ATRNL1: variants seen among roughly 807,000 people sequenced by gnomAD.
ATRNL1 encodes attractin-like protein 1.
Under a neutral mutation model 182.7 loss-of-function variants are expected in ATRNL1, and 95 were observed. The ratio of observed to expected loss-of-function variants is 0.52; its 90% confidence interval spans 0.44 to 0.62. ATRNL1 has a LOEUF of 0.62. Among genes scored for constraint, ATRNL1 ranks in the 20% least tolerant of loss-of-function variants. The pLI, the probability that ATRNL1 is intolerant of heterozygous loss-of-function variation, is 0.00. For missense variants in ATRNL1, 1,471 were observed against 1,679.5 expected (o/e 0.88, Z 2.17); for synonymous variants, 576 against 568.3 (o/e 1.01, Z -0.19).
Position 115,171,086 on chromosome 10 carries a change from TCA to T in ATRNL1, c.1145_1146del (p.Thr382ArgfsTer2). ...AGAATTGAAACAAATGATGGCAATG[TCA>T]CAGATGAATTATGGGTTTTTAACAT... On this transcript the variant is annotated frameshift_variant, in exon 8 of 29. Transcript: ENST00000355044. LOFTEE classifies it high-confidence loss of function. The T allele has an allele frequency of 1.3e-6, 2 of 1,590,622 alleles. No individual in the cohort carries two copies. Among genetic ancestry groups the T allele is most frequent in the Non-Finnish European group, 1.7e-6 (2 of 1,166,478 alleles).
intron 27 of ATRNL1, among the ~76,000 whole-genome samples, chr10:115,777,649 C>T (rs2134181457): frequency 6.6e-6 from 1 of 152,204 alleles, no homozygotes; most frequent in Non-Finnish European, 1.5e-5. Context: ...ACTGAATATA[C>T]TGTTTTCAAA....
At position 115,759,299 on chromosome 10, in the gene ATRNL1, T is replaced by C. The variant is rs554254296; in HGVS notation, c.3903+31944T>C. Among the ~76,000 whole-genome samples the C allele has an allele frequency of 6.6e-5, 10 of 152,274 alleles. No homozygotes were observed. The East Asian group carries it at 1.9e-3, about 29-fold the overall frequency. On this transcript the variant is annotated intron_variant, in intron 27 of 28. Coordinates refer to ENST00000355044, the MANE Select transcript of ATRNL1 (RefSeq NM_207303.4). ...TGCACTAGTGAATACATATTTGGGT[T>C]GTTCTATGAGAAAACATAAGCACTA...
rs147357840 is a variant in ATRNL1, at chr10:115,551,686, C to A, written c.3795+2150C>A. 6.6e-4 allele frequency among the ~76,000 whole-genome samples: 100 copies of A among 151,444 alleles called. 1 individual carries two copies. The highest frequency in any genetic ancestry group is 2.4e-3 in the African/African-American group (99 of 41,472). ...TTCTGAAATTTAATTTTACTAAATT[C>A]CTTTAAATGTAAAATTCTAAATGTT... On this transcript the variant is annotated intron_variant, in intron 26 of 28. Transcript: ENST00000355044.
At chr10:115,829,510 C>CAA (rs5788115) in intron 27 of ATRNL1, among the ~76,000 whole-genome samples, 3 of 138,538 alleles carry the variant, frequency 2.2e-5, no homozygotes, top group South Asian at 2.3e-4. Context: ...TTTTCTTTTT[C>CAA]AAAAAAAAAA....
intron 26 of ATRNL1, among the ~76,000 whole-genome samples, chr10:115,583,919 C>G (rs1447951517): frequency 1.3e-5 from 2 of 151,482 alleles, no homozygotes; most frequent in African/African-American, 2.4e-5. Context: ...TTTTGAGATA[C>G]GTCCCATCAA....
At chr10:115,164,601 A>G (rs1167223710) in intron 6 of ATRNL1, among the ~76,000 whole-genome samples, 2 of 152,176 alleles carry the variant, frequency 1.3e-5, no homozygotes, top group African/African-American at 2.4e-5. Flanking sequence ...TGATAAATTG[A>G]TAAAGAAAAT....
chr10:115,545,882 A>G (rs1656885232), intron 25 of ATRNL1, among the ~76,000 whole-genome samples: 1 of 152,202 alleles, frequency 6.6e-6, no homozygotes, highest in South Asian at 2.1e-4. Context: ...GCTGGAAAGT[A>G]ATGGTGAAAC....
At chr10:115,730,281 A>AAGAG (rs1565326916) in intron 27 of ATRNL1, among the ~76,000 whole-genome samples, 15 of 135,348 alleles carry the variant, frequency 1.1e-4, no homozygotes, top group African/African-American at 4.1e-4. Flanking sequence ...AAAAAAAAAA[A>AAGAG]AGAGAGAGAG....
intron 27 of ATRNL1, among the ~76,000 whole-genome samples, chr10:115,772,504 T>C (rs1949016488): frequency 6.6e-6 from 1 of 151,982 alleles, no homozygotes; most frequent in Admixed American, 6.6e-5. Flanking sequence ...CAGTAAATGC[T>C]AGCTTTTAAC....
intron 27 of ATRNL1, among the ~76,000 whole-genome samples, chr10:115,777,388 A>G (rs1403819385): frequency 6.6e-6 from 1 of 152,110 alleles, no homozygotes; most frequent in African/African-American, 2.4e-5. Context: ...GTATAACTTG[A>G]TATACTAAAA....
chr10:115,147,103 G>A (rs1159031096), intron 5 of ATRNL1, among the ~76,000 whole-genome samples: 13 of 152,046 alleles, frequency 8.6e-5, no homozygotes, highest in Admixed American at 7.9e-4. Context: ...ACTGTATTAA[G>A]AGTTCCCTTT....
At chr10:115,547,254 C>CA (rs58330605) in intron 25 of ATRNL1, among the ~76,000 whole-genome samples, 27,862 of 127,234 alleles carry the variant, frequency 0.22, 2,903 homozygotes, top group Non-Finnish European at 0.28. Flanking sequence ...GACTCCATCT[C>CA]AAAAAAAAAA....
At chr10:115,696,870 C>T (rs1158514622) in intron 26 of ATRNL1, among the ~76,000 whole-genome samples, 2 of 133,956 alleles carry the variant, frequency 1.5e-5, no homozygotes, top group Non-Finnish European at 3.2e-5. Context: ...CATATCAGAG[C>T]GAGAGAGAGA....
In ATRNL1 at chr10:115,129,429, T is replaced by A. The variant is rs1554874468; in HGVS notation, c.723T>A (p.Gly241=). ...GTGAATGTGATAAATACTGGAAGGGTGAAGCTTGTGATATTCCTTACTGTA... is the reference window on the plus strand; with the variant it reads ...GTGAATGTGATAAATACTGGAAGGGAGAAGCTTGTGATATTCCTTACTGTA... The part of the protein sequence containing the change: ...VYCECDKYWK[G]EACDIPYCKA... Residue 241 remains glycine (G), a synonymous_variant, in exon 5 of 29, where the codon GGT becomes GGA. Transcript: ENST00000355044. 6.2e-6 allele frequency: 10 copies of A among 1,614,048 alleles called. No individual in the cohort carries two copies. Among genetic ancestry groups the A allele is most frequent in the Non-Finnish European group, 6.8e-6 (8 of 1,179,966 alleles).
rs539620180 is a variant in ATRNL1 at position 115,424,002 on chromosome 10, A to G, written c.3270-2248A>G. Among the ~76,000 whole-genome samples the G allele has an allele frequency of 3.1e-4, 47 of 152,314 alleles. 1 individual carries two copies. The South Asian group carries it at 3.9e-3, about 13-fold the overall frequency. On this transcript the variant is annotated intron_variant, in intron 20 of 28. Transcript: ENST00000355044. ...AGCAGAGCAAAGAGACAACCTATAG[A>G]ATGGGAGAAAATATTTGCAAACTAT...
At chr10:115,133,225 A>G (rs1367568417) in intron 5 of ATRNL1, among the ~76,000 whole-genome samples, 1 of 152,114 alleles carries the variant, frequency 6.6e-6, no homozygotes, top group Non-Finnish European at 1.5e-5. Context: ...CAGGTTTGTC[A>G]AAGATCAGGT....
intron 27 of ATRNL1, among the ~76,000 whole-genome samples, chr10:115,766,155 T>G (rs994661739): frequency 6.6e-6 from 1 of 152,214 alleles, no homozygotes. Flanking sequence ...TTAATGAATA[T>G]TTGTTGATTG....
intron 4 of ATRNL1, among the ~76,000 whole-genome samples, chr10:115,128,885 A>G (rs1040764196): frequency 2.0e-5 from 3 of 151,956 alleles, no homozygotes; most frequent in African/African-American, 7.2e-5. Context: ...CTTTTCTTCA[A>G]TAACAGTGTA....
At chr10:115,498,471 T>A (rs145699511) in intron 24 of ATRNL1, among the ~76,000 whole-genome samples, 3 of 152,082 alleles carry the variant, frequency 2.0e-5, no homozygotes, top group Admixed American at 1.3e-4. Context: ...GCCATTTTTT[T>A]ATGTAGTTAA....
Sources: allele counts gnomAD v4.1 joint callset (sites outside exome capture counted in the v4.1 genomes callset), GRCh38; gene constraint gnomAD v4.1.1; transcripts MANE v1.5; gene names NCBI Gene and HGNC (gene_info 2026-07-23, HGNC 2026-07-21).